Variants in EIF4G3 observed in about 807,000 individuals in gnomAD.
EIF4G3 encodes the protein eukaryotic translation initiation factor 4 gamma 3.
A neutral mutation model predicts 186.4 loss-of-function variants in EIF4G3; 34 were observed. The ratio of observed to expected loss-of-function variants is 0.18; its 90% confidence interval spans 0.14 to 0.24. The LOEUF (loss-of-function observed/expected upper bound fraction) is 0.24. EIF4G3 is among the 10% of genes least tolerant of loss of function. The probability of loss-of-function intolerance (pLI) is 1.00; values close to 1 mark genes in which losing one functional copy is unlikely to be tolerated. For missense variants in EIF4G3, 1,536 were observed against 1,948.5 expected (o/e 0.79, Z 3.99); for synonymous variants, 673 against 679.5 (o/e 0.99, Z 0.15).
At chr1:21,166,483 T>G (rs1006580178) in intron 2 of EIF4G3, among the ~76,000 whole-genome samples, 1 of 152,028 alleles carries the variant, frequency 6.6e-6, no homozygotes, top group Non-Finnish European at 1.5e-5. Context: ...CCAACACTTT[T>G]AGAGGCTGAG....
chr1:21,117,994 T>C (rs990809409), intron 2 of EIF4G3, among the ~76,000 whole-genome samples: 4 of 152,190 alleles, frequency 2.6e-5, no homozygotes, highest in East Asian at 1.9e-4. Flanking sequence ...TTATCTCACA[T>C]TGGCCCCTGC....
At chr1:20,970,423 C>A (rs965282860) in intron 11 of EIF4G3, among the ~76,000 whole-genome samples, 1 of 150,566 alleles carries the variant, frequency 6.6e-6, no homozygotes, top group Admixed American at 6.6e-5. Flanking sequence ...ACCAGCCTGG[C>A]TAACACGATG....
At chr1:20,996,691 CT>C (rs1442217110) in intron 7 of EIF4G3, among the ~76,000 whole-genome samples, 1 of 152,194 alleles carries the variant, frequency 6.6e-6, no homozygotes, top group African/African-American at 2.4e-5. Flanking sequence ...CACTTACTGA[CT>C]GCTTGTTTTG....
intron 20 of EIF4G3, among the ~76,000 whole-genome samples, chr1:20,866,537 A>G (rs940004170): frequency 6.6e-6 from 1 of 152,218 alleles, no homozygotes; most frequent in Non-Finnish European, 1.5e-5. Context: ...GCAAGCAACT[A>G]TAGATAATTT....
intron 14 of EIF4G3, among the ~76,000 whole-genome samples, chr1:20,919,941 T>C (rs2094342153): frequency 6.9e-6 from 1 of 144,680 alleles, no homozygotes; most frequent in Non-Finnish European, 1.6e-5. Context: ...GGAGTTTTGC[T>C]CGTTGCCCAG....
chr1:20,999,933 T>C (rs905177997), intron 6 of EIF4G3, among the ~76,000 whole-genome samples: 4 of 152,126 alleles, frequency 2.6e-5, no homozygotes, highest in Admixed American at 6.6e-5. Flanking sequence ...GATCCAGTGT[T>C]AATGCCACCC....
intron 2 of EIF4G3, among the ~76,000 whole-genome samples, chr1:21,144,913 G>T (rs2097409289): frequency 6.6e-6 from 1 of 152,252 alleles, no homozygotes; most frequent in South Asian, 2.1e-4. Context: ...GTACTGATAA[G>T]CATGTGCCTT....
At chr1:21,065,503 T>C (rs1199227327) in intron 3 of EIF4G3, among the ~76,000 whole-genome samples, 2 of 151,258 alleles carry the variant, frequency 1.3e-5, no homozygotes, top group African/African-American at 2.4e-5. Context: ...CAAGCTATGA[T>C]CATGCTACTG....
intron 4 of EIF4G3, among the ~76,000 whole-genome samples, chr1:21,024,156 G>A (rs1246989007): frequency 3.0e-5 from 4 of 134,976 alleles, no homozygotes; most frequent in Non-Finnish European, 3.5e-5. Context: ...CACCCCGTCC[G>A]GGAGGGAGGT....
intron 34 of EIF4G3, 61 bp from the exon 35 acceptor site, chr1:20,813,300 A>G (rs1570857595): frequency 1.6e-6 from 2 of 1,237,626 alleles, no homozygotes; most frequent in East Asian, 4.9e-5. Flanking sequence ...ACAGAGGCTC[A>G]TGCCTGTAAT....
At chr1:20,965,593 C>T (rs947614758) in intron 12 of EIF4G3, among the ~76,000 whole-genome samples, 1 of 152,132 alleles carries the variant, frequency 6.6e-6, no homozygotes, top group Non-Finnish European at 1.5e-5. Context: ...TAATAATAGC[C>T]TCCCTTCATC....
chr1:20,815,397 G>A (rs1345051973), intron 34 of EIF4G3, among the ~76,000 whole-genome samples: 1 of 135,086 alleles, frequency 7.4e-6, no homozygotes, highest in Non-Finnish European at 1.6e-5. Context: ...TGCCTGACCC[G>A]CCCATCGTCT....
At chr1:21,172,382 A>C (rs4654736) in intron 2 of EIF4G3, among the ~76,000 whole-genome samples, 147,262 of 152,214 alleles carry the variant, frequency 0.97, 71,428 homozygotes, top group East Asian at 1. Flanking sequence ...CCCACCTCTA[A>C]CCAAAAGGAC....
intron 12 of EIF4G3, among the ~76,000 whole-genome samples, chr1:20,953,374 C>A (rs1162969044): frequency 6.6e-6 from 1 of 152,040 alleles, no homozygotes; most frequent in African/African-American, 2.4e-5. Flanking sequence ...TAAGGGAGGG[C>A]AAGATATTAG....
chr1:20,892,533 A>T, intron 18 of EIF4G3: 1 of 1,023,876 alleles, frequency 9.8e-7, no homozygotes, highest in Non-Finnish European at 1.5e-6. Context: ...TTTTGACTTA[A>T]CAATCAATAG....
At chr1:20,858,840 C>CA (rs976804807) in intron 24 of EIF4G3, among the ~76,000 whole-genome samples, 5 of 151,924 alleles carry the variant, frequency 3.3e-5, no homozygotes, top group African/African-American at 9.7e-5. Flanking sequence ...ACTAAAAATA[C>CA]AAAAAAATTA....
chr1:21,002,272 G>C lies in EIF4G3; in HGVS notation c.30+441C>G, dbSNP rs985124862. On this transcript the variant is annotated intron_variant, in intron 5 of 36. Coordinates refer to ENST00000602326, the MANE Select transcript of EIF4G3 (RefSeq NM_001391906.1). Reference sequence around the variant, plus strand: ...CCCACACTGTTAAATGGTTAGAACAGATCTAATAACACTGATTCAAAAGTC... The same window carrying C: ...CCCACACTGTTAAATGGTTAGAACACATCTAATAACACTGATTCAAAAGTC... Among the ~76,000 whole-genome samples the C allele has an allele frequency of 2.0e-5, 3 of 152,190 alleles. No individual in the cohort carries two copies. The East Asian group carries it at 5.8e-4, about 29-fold the overall frequency.
chr1:20,933,523 T>C (rs1432726635), intron 14 of EIF4G3, among the ~76,000 whole-genome samples: 1 of 151,892 alleles, frequency 6.6e-6, no homozygotes, highest in Non-Finnish European at 1.5e-5. Flanking sequence ...GGCGTGGTGG[T>C]GCGCACCTGT....
Position 21,143,014 on chromosome 1 carries a change from C to T in EIF4G3, c.-272+33161G>A, listed in dbSNP as rs143226743. ...CTGTAATCCCAGCACTCTGGGAGGC[C>T]GAGACAGGCAGATCACTTGAGGTTA... On this transcript the variant is annotated intron_variant, in intron 2 of 36. Transcript: ENST00000602326. Among the ~76,000 whole-genome samples the T allele has an allele frequency of 4.6e-3, 702 of 151,988 alleles. 5 individuals are homozygous for T. The highest frequency in any genetic ancestry group is 0.016 in the African/African-American group (662 of 41,460).
Sources: gnomAD v4.1 joint callset for allele counts (sites outside exome capture counted in the v4.1 genomes callset) on GRCh38, gnomAD v4.1.1 for gene constraint, MANE v1.5 for transcripts, NCBI Gene and HGNC (gene_info 2026-07-23, HGNC 2026-07-21) for gene names.